NRXN1: variants seen among roughly 807,000 people sequenced by gnomAD.
NRXN1 encodes the protein neurexin 1.
NRXN1 carries 39 observed loss-of-function variants against 150.9 expected under a neutral mutation model. That is an observed-to-expected ratio of 0.26 (90% CI 0.20 to 0.34). NRXN1 has a LOEUF of 0.34. Ranked by LOEUF, NRXN1 falls within the 10% of genes least tolerant of loss-of-function variation. The pLI, the probability that NRXN1 is intolerant of heterozygous loss-of-function variation, is 1.00. For missense variants in NRXN1, 1,815 were observed against 1,949.9 expected (o/e 0.93, Z 1.30); for synonymous variants, 924 against 757.0 (o/e 1.22, Z -3.62).
At chr2:50,193,587 T>G (rs1260036420) in intron 18 of NRXN1, among the ~76,000 whole-genome samples, 1 of 152,148 alleles carries the variant, frequency 6.6e-6, no homozygotes, top group Non-Finnish European at 1.5e-5. Flanking sequence ...ATATACAAAT[T>G]GTTAAATTGC....
Position 50,623,388 on chromosome 2 carries a change from G to A in NRXN1, c.1060C>T (p.Leu354=). The A allele has an allele frequency of 6.2e-7, 1 of 1,613,352 alleles. No individual in the cohort carries two copies. The highest frequency in any genetic ancestry group is 8.5e-7 in the Non-Finnish European group (1 of 1,179,506). Residue 354 remains leucine, a synonymous_variant, in exon 6 of 23, where the codon CTA becomes TTA. Transcript: ENST00000401669. ...INLGSGAFEA[L]VEPVNGKFND... ...AACTTTCCATTCACAGGCTCCACTA[G>A]TGCTTCAAAGGCCCCTGATCCCAAA...
rs562302111 is a variant in NRXN1 at position 50,436,621 on chromosome 2, T to C, written c.3364+28821A>G. 3.4e-4 allele frequency among the ~76,000 whole-genome samples: 52 copies of C among 152,360 alleles called. No individual in the cohort carries two copies. In the South Asian group the frequency reaches 9.9e-3, roughly 29 times the overall value. On this transcript the variant is annotated intron_variant, in intron 17 of 22. Transcript: ENST00000401669. The stretch of plus-strand genomic sequence containing the variant: ...TTTCAGGGCAGATATTACTTTCTTT[T>C]GAAAGTGTGACTTTTCAGAACAAGG...
At chr2:50,287,914 A>G (rs1281435318) in intron 17 of NRXN1, among the ~76,000 whole-genome samples, 2 of 152,116 alleles carry the variant, frequency 1.3e-5, no homozygotes, top group Non-Finnish European at 2.9e-5. Context: ...ATGAATTTAT[A>G]AATAATCTGG....
intron 17 of NRXN1, among the ~76,000 whole-genome samples, chr2:50,371,559 T>G (rs754746733): frequency 6.6e-6 from 1 of 152,008 alleles, no homozygotes; most frequent in Non-Finnish European, 1.5e-5. Flanking sequence ...TATTCAGAGT[T>G]GCAAGGTTAA....
intron 12 of NRXN1, among the ~76,000 whole-genome samples, chr2:50,523,278 C>T (rs912656203): frequency 2.0e-5 from 3 of 152,120 alleles, no homozygotes; most frequent in Non-Finnish European, 2.9e-5. Context: ...ATACTTTGAA[C>T]TTCCCTTATT....
intron 17 of NRXN1, among the ~76,000 whole-genome samples, chr2:50,266,930 T>A (rs1455914290): frequency 2.0e-5 from 3 of 152,174 alleles, no homozygotes; most frequent in Admixed American, 1.3e-4. Context: ...AGAAAATGGA[T>A]AAAACTAAAA....
intron 21 of NRXN1, among the ~76,000 whole-genome samples, chr2:50,022,050 C>T (rs1195566095): frequency 1.3e-5 from 2 of 151,976 alleles, no homozygotes; most frequent in Non-Finnish European, 2.9e-5. Flanking sequence ...GAGATTTCAC[C>T]GTGTTAGCCA....
intron 17 of NRXN1, among the ~76,000 whole-genome samples, chr2:50,433,505 T>G (rs576056645): frequency 6.6e-6 from 1 of 152,186 alleles, no homozygotes; most frequent in South Asian, 2.1e-4. Context: ...ATATATTTTC[T>G]CAGTATAAAA....
chr2:50,136,591 G>T (rs1169959453), intron 18 of NRXN1, among the ~76,000 whole-genome samples: 1 of 152,052 alleles, frequency 6.6e-6, no homozygotes, highest in African/African-American at 2.4e-5. Context: ...CCTAGAAAAG[G>T]TGTCATGGAC....
At chr2:50,163,164 G>GTACATATATATATATATATATATA (rs1553695027) in intron 18 of NRXN1, among the ~76,000 whole-genome samples, 37 of 141,750 alleles carry the variant, frequency 2.6e-4, no homozygotes, top group Non-Finnish European at 5.5e-4. Flanking sequence ...AATCCAAAAT[G>GTACATATATATATATATATATATA]TATATATATA....
At chr2:50,682,162 T>A (rs1056785722) in intron 5 of NRXN1, among the ~76,000 whole-genome samples, 1 of 152,180 alleles carries the variant, frequency 6.6e-6, no homozygotes, top group Non-Finnish European at 1.5e-5. Context: ...TTAATTTTCA[T>A]CTTCTATGTC....
chr2:49,978,385 T>G (rs1172620410), intron 21 of NRXN1, among the ~76,000 whole-genome samples: 1 of 152,146 alleles, frequency 6.6e-6, no homozygotes, highest in African/African-American at 2.4e-5. Context: ...AGAAACTATG[T>G]CTGCAGTTCT....
chr2:50,977,392 T>C (rs2104843166), intron 2 of NRXN1, among the ~76,000 whole-genome samples: 1 of 152,094 alleles, frequency 6.6e-6, no homozygotes, highest in African/African-American at 2.4e-5. Context: ...ATTTTACATA[T>C]GACTGGCAGA....
chr2:50,329,997 A>G (rs1204121792), intron 17 of NRXN1, among the ~76,000 whole-genome samples: 2 of 151,968 alleles, frequency 1.3e-5, no homozygotes, highest in African/African-American at 4.8e-5. Flanking sequence ...TTTAATGGAA[A>G]AAAATCTATC....
chr2:50,138,404 C>T (rs1706736176), intron 18 of NRXN1, among the ~76,000 whole-genome samples: 1 of 152,094 alleles, frequency 6.6e-6, no homozygotes, highest in Non-Finnish European at 1.5e-5. Context: ...AGATTCTCTA[C>T]CACTCTTGAA....
At chr2:50,500,374 G>A (rs1328857354) in intron 13 of NRXN1, among the ~76,000 whole-genome samples, 4 of 152,086 alleles carry the variant, frequency 2.6e-5, no homozygotes, top group Non-Finnish European at 5.9e-5. Flanking sequence ...TACAGTGATG[G>A]TAGATATATT....
chr2:51,027,439 G>A (rs111501521), intron 2 of NRXN1, 63 bp downstream of exon 2: 96 of 1,451,972 alleles, frequency 6.6e-5, no homozygotes, highest in Middle Eastern at 2.5e-4. Flanking sequence ...GCACCAGCCC[G>A]GTCCCCTCCT....
In NRXN1 at chr2:50,558,124, A is replaced by AT. The variant is rs561559751; in HGVS notation, c.1321-5100_1321-5099insA. On this transcript the variant is annotated intron_variant, in intron 8 of 22. Coordinates refer to ENST00000401669, the MANE Select transcript of NRXN1 (RefSeq NM_001330078.2). ...TCACTTTCTGGCAGGCCCTCTTATA[A>AT]GAGTTTTATATATAGTAATGTGTTT... Among the ~76,000 whole-genome samples, 116 of 152,300 alleles carry AT rather than the reference A, an allele frequency of 7.6e-4. 2 individuals carry two copies. Among genetic ancestry groups the AT allele is most frequent in the East Asian group, 3.5e-3 (18 of 5,190 alleles).
intron 5 of NRXN1, among the ~76,000 whole-genome samples, chr2:50,861,965 G>A (rs913125008): frequency 6.6e-6 from 1 of 152,100 alleles, no homozygotes; most frequent in Non-Finnish European, 1.5e-5. Context: ...AATTTGGGAG[G>A]CTGAGGTGGG....
Sources: allele counts gnomAD v4.1 joint callset (sites outside exome capture counted in the v4.1 genomes callset), GRCh38; gene constraint gnomAD v4.1.1; transcripts MANE v1.5; gene names NCBI Gene and HGNC (gene_info 2026-07-23, HGNC 2026-07-21).